RERG: variants seen among roughly 807,000 people sequenced by gnomAD.
RERG encodes the protein RAS like estrogen regulated growth inhibitor, also known as ras-related and estrogen-regulated growth inhibitor.
RERG carries 25 observed loss-of-function variants against 23.2 expected under a neutral mutation model. That is an observed-to-expected ratio of 1.08 (90% CI 0.79 to 1.50). The LOEUF (loss-of-function observed/expected upper bound fraction) is 1.50. Among genes scored for constraint, RERG ranks in the 40% most tolerant of loss-of-function variants. The pLI is 0.00. For missense variants in RERG, 253 were observed against 250.1 expected (o/e 1.01, Z -0.08); for synonymous variants, 81 against 89.1 (o/e 0.91, Z 0.51).
chr12:15,206,086 C>G (rs1865279313), intron 2 of RERG, among the ~76,000 whole-genome samples: 1 of 152,094 alleles, frequency 6.6e-6, no homozygotes, highest in South Asian at 2.1e-4. Flanking sequence ...AATCCCCAAA[C>G]ACTTACCATG....
chr12:15,165,915 G>T (rs768827169), intron 2 of RERG, among the ~76,000 whole-genome samples: 2 of 152,242 alleles, frequency 1.3e-5, no homozygotes, highest in Middle Eastern at 3.4e-3. Flanking sequence ...GATGTGCTTC[G>T]ATCACAATTG....
chr12:15,212,310 C>T (rs1276300265), intron 2 of RERG, among the ~76,000 whole-genome samples: 3 of 151,580 alleles, frequency 2.0e-5, no homozygotes, highest in South Asian at 4.2e-4. Flanking sequence ...CCACCCGCCT[C>T]GGCCTCCCAA....
chr12:15,112,959 A>C (rs1169884464), intron 3 of RERG, among the ~76,000 whole-genome samples: 1 of 152,234 alleles, frequency 6.6e-6, no homozygotes, highest in Non-Finnish European at 1.5e-5. Context: ...TCAATGAGGA[A>C]GAAGTCTAAA....
intron 2 of RERG, among the ~76,000 whole-genome samples, chr12:15,174,106 G>C (rs753266297): frequency 6.6e-5 from 10 of 151,970 alleles, no homozygotes; most frequent in Non-Finnish European, 1.3e-4. Flanking sequence ...AGGCAGTCTT[G>C]ATAGAGACAA....
intron 2 of RERG, among the ~76,000 whole-genome samples, chr12:15,178,160 A>G (rs1864877921): frequency 1.3e-5 from 2 of 152,162 alleles, no homozygotes; most frequent in Non-Finnish European, 2.9e-5. Context: ...TTTTAAATGT[A>G]TATTAACAAC....
chr12:15,126,261 G>A (rs1167740329), intron 2 of RERG, among the ~76,000 whole-genome samples: 2 of 150,878 alleles, frequency 1.3e-5, no homozygotes, highest in East Asian at 3.9e-4. Flanking sequence ...TAAAAACCCT[G>A]GTGAAAATGA....
At chr12:15,136,327 TC>T (rs1253849125) in intron 2 of RERG, among the ~76,000 whole-genome samples, 1 of 152,052 alleles carries the variant, frequency 6.6e-6, no homozygotes, top group African/African-American at 2.4e-5. Context: ...ATTTTATTGA[TC>T]TTTTCAAATA....
At chr12:15,142,377 CA>C (rs1245895624) in intron 2 of RERG, among the ~76,000 whole-genome samples, 1 of 152,156 alleles carries the variant, frequency 6.6e-6, no homozygotes, top group Non-Finnish European at 1.5e-5. Flanking sequence ...AACAGCTATA[CA>C]AACATGGGTA....
intron 2 of RERG, among the ~76,000 whole-genome samples, chr12:15,182,651 C>T (rs1273167601): frequency 6.6e-6 from 1 of 152,192 alleles, no homozygotes; most frequent in Non-Finnish European, 1.5e-5. Flanking sequence ...ATGCTTTCTA[C>T]ATATTCATGT....
chr12:15,147,346 A>G (rs1285258395), intron 2 of RERG, among the ~76,000 whole-genome samples: 1 of 152,220 alleles, frequency 6.6e-6, no homozygotes, highest in African/African-American at 2.4e-5. Flanking sequence ...ACATTTTGTA[A>G]CATTCTTTCA....
At chr12:15,166,781 T>C (rs1208220729) in intron 2 of RERG, among the ~76,000 whole-genome samples, 1 of 152,204 alleles carries the variant, frequency 6.6e-6, no homozygotes, top group Non-Finnish European at 1.5e-5. Flanking sequence ...GATCACTTTT[T>C]TTTTTTTCGA....
At chr12:15,215,135 A>G (rs964471608) in intron 2 of RERG, among the ~76,000 whole-genome samples, 3 of 152,262 alleles carry the variant, frequency 2.0e-5, no homozygotes, top group African/African-American at 7.2e-5. Flanking sequence ...TAGAGAAAAC[A>G]GTCCAAAGAA....
intron 2 of RERG, among the ~76,000 whole-genome samples, chr12:15,207,375 AAC>A (rs776214965): frequency 6.6e-6 from 1 of 152,140 alleles, no homozygotes; most frequent in African/African-American, 2.4e-5. Context: ...ACCTGGGTTA[AAC>A]ACACACACAT....
In RERG at chr12:15,206,394, G is replaced by T. The variant is rs142157328; in HGVS notation, c.61+11035C>A. 4.7e-3 allele frequency among the ~76,000 whole-genome samples: 708 copies of T among 152,184 alleles called. 5 individuals are homozygous for T. Among genetic ancestry groups the T allele is most frequent in the African/African-American group, 0.016 (675 of 41,528 alleles). On this transcript the variant is annotated intron_variant, in intron 2 of 4. Transcript: ENST00000256953. ...GTGTCAGTACACCCAACAGGGCATG[G>T]CACTCAATGCGCTGAATGTGCAGCT... is the stretch of plus-strand genomic sequence containing the variant.
At chr12:15,115,498 AAG>A (rs1863703428) in intron 3 of RERG, among the ~76,000 whole-genome samples, 1 of 152,166 alleles carries the variant, frequency 6.6e-6, no homozygotes, top group Non-Finnish European at 1.5e-5. Context: ...AGGGAAAAGA[AAG>A]AGGAATAATA....
intron 2 of RERG, among the ~76,000 whole-genome samples, chr12:15,152,798 G>T (rs1864464416): frequency 6.6e-6 from 1 of 151,908 alleles, no homozygotes; most frequent in African/African-American, 2.4e-5. Flanking sequence ...CATGTTCTTA[G>T]GTATTAAAGC....
At chr12:15,148,475 G>A (rs1269126014) in intron 2 of RERG, among the ~76,000 whole-genome samples, 1 of 152,208 alleles carries the variant, frequency 6.6e-6, no homozygotes, top group African/African-American at 2.4e-5. Context: ...TGAGCCTCCT[G>A]TTTCTGAAAG....
intron 2 of RERG, among the ~76,000 whole-genome samples, chr12:15,124,676 G>A (rs1863903982): frequency 6.6e-6 from 1 of 151,816 alleles, no homozygotes; most frequent in East Asian, 1.9e-4. Context: ...TAACAAATCC[G>A]CTCCAAAACT....
At chr12:15,170,089 G>C (rs998722971) in intron 2 of RERG, among the ~76,000 whole-genome samples, 2 of 152,048 alleles carry the variant, frequency 1.3e-5, no homozygotes, top group Non-Finnish European at 2.9e-5. Flanking sequence ...GAGAAATACA[G>C]ATATAGAAAT....
Sources: gnomAD v4.1 joint callset for allele counts (sites outside exome capture counted in the v4.1 genomes callset) on GRCh38, gnomAD v4.1.1 for gene constraint, MANE v1.5 for transcripts, NCBI Gene and HGNC (gene_info 2026-07-23, HGNC 2026-07-21) for gene names.